NADK2: variants seen among roughly 807,000 people sequenced by gnomAD.
NADK2 encodes the protein NAD kinase 2, mitochondrial.
In NADK2, 35 loss-of-function variants were observed where a neutral mutation model predicts 62.1. The ratio of observed to expected loss-of-function variants is 0.56; its 90% CI spans 0.43 to 0.75. The LOEUF (loss-of-function observed/expected upper bound fraction) is 0.75. Ranked by LOEUF, NADK2 falls within the 30% of genes least tolerant of loss-of-function variation. The pLI is 0.00. For missense variants in NADK2, 439 were observed against 561.3 expected, an observed-to-expected ratio of 0.78 and a Z score of 2.20; for synonymous variants, 205 against 207.9, an observed-to-expected ratio of 0.99 and a Z score of 0.12.
Position 36,194,976 on chromosome 5 carries a change from G to T in NADK2, c.*168C>A. ...CCATCCATTTTCTTATACAGTGAAT[G>T]TCTTTTTTTCTATCAGAATCCAACA... On this transcript the variant is annotated 3_prime_UTR_variant, in exon 12 of 12. Coordinates refer to ENST00000381937, the MANE Select transcript of NADK2 (RefSeq NM_001085411.3). The T allele has an allele frequency of 1.6e-6, 1 of 633,930 alleles. No homozygotes were observed. 39.3% of individuals were successfully genotyped at this position (633,930 alleles called of 1,614,324 possible).
chr5:36,204,257 G>A (rs1189741790), intron 8 of NADK2, among the ~76,000 whole-genome samples: 3 of 152,098 alleles, frequency 2.0e-5, no homozygotes, highest in Non-Finnish European at 4.4e-5. Context: ...AGTTCAGAAG[G>A]CAAAGTAATC....
intron 4 of NADK2, among the ~76,000 whole-genome samples, chr5:36,223,472 A>T (rs1156586920): frequency 1.3e-5 from 2 of 152,208 alleles, no homozygotes; most frequent in Non-Finnish European, 2.9e-5. Context: ...CAATATGTAA[A>T]AACACCAGTA....
chr5:36,231,932 AAAAT>A (rs57966966), intron 1 of NADK2, among the ~76,000 whole-genome samples: 26 of 151,934 alleles, frequency 1.7e-4, no homozygotes, highest in South Asian at 8.3e-4. Flanking sequence ...TCTCTCCATT[AAAAT>A]AAATAAATAA....
chr5:36,225,455 A>G (rs1197982617), intron 4 of NADK2, 87 bp downstream of exon 4: 1 of 995,592 alleles, frequency 1.0e-6, no homozygotes, highest in Non-Finnish European at 1.5e-6. Flanking sequence ...TATGCAATCA[A>G]AGCAGAAATG....
At chr5:36,226,800 T>C (rs959764354) in intron 2 of NADK2, among the ~76,000 whole-genome samples, 4 of 152,174 alleles carry the variant, frequency 2.6e-5, no homozygotes, top group African/African-American at 9.6e-5. Flanking sequence ...CAAATCTCCA[T>C]GTGCTTTAAA....
intron 7 of NADK2, 52 bp from the exon 8 acceptor site, chr5:36,207,317 T>C: frequency 7.2e-7 from 1 of 1,388,852 alleles, no homozygotes; most frequent in Non-Finnish European, 1.0e-6. Context: ...TCAAGGTAAA[T>C]AAGAGAGTCT....
chr5:36,194,121 T>TG lies in NADK2; in HGVS notation c.*1022dup, dbSNP rs1197931835. ...TCCTCCAAAAATAAAGGAATTCTCA[T>TG]GGGGAAAAAAAAAAAGTCCTAACAT... On this transcript the variant is annotated 3_prime_UTR_variant, in exon 12 of 12. Coordinates refer to ENST00000381937, the MANE Select transcript of NADK2 (RefSeq NM_001085411.3). 1 of 151,354 alleles carries TG rather than the reference T, an allele frequency of 6.6e-6. No individual in the cohort carries two copies. Among genetic ancestry groups the TG allele is most frequent in the African/African-American group, 2.4e-5 (1 of 41,216 alleles). The allele number at this position is 151,354 out of a possible 1,614,324, so 9.4% of individuals were successfully genotyped here. A position where few individuals can be genotyped will look rare whatever the true frequency, so the allele number is the denominator to read the frequency against.
intron 10 of NADK2, among the ~76,000 whole-genome samples, chr5:36,199,068 G>A (rs1579595299): frequency 6.6e-6 from 1 of 151,776 alleles, no homozygotes; most frequent in East Asian, 1.9e-4. Flanking sequence ...GGGGGTGGGG[G>A]GAGGAATAGC....
At chr5:36,231,886 A>T (rs1747722325) in intron 1 of NADK2, among the ~76,000 whole-genome samples, 1 of 152,172 alleles carries the variant, frequency 6.6e-6, no homozygotes, top group South Asian at 2.1e-4. Context: ...TATTAGTAAC[A>T]GTCTTTAATA....
At chr5:36,226,712 CTT>C (rs931927267) in intron 2 of NADK2, 149 bp from the exon 3 acceptor site, 2 of 572,636 alleles carry the variant, frequency 3.5e-6, no homozygotes, top group Non-Finnish European at 6.1e-6. Flanking sequence ...ATAACATTAT[CTT>C]TGTTTTCATT....
chr5:36,226,032 T>A (rs866827888), intron 3 of NADK2, among the ~76,000 whole-genome samples: 3 of 152,180 alleles, frequency 2.0e-5, no homozygotes, highest in African/African-American at 2.4e-5. Flanking sequence ...AACTTCAAAT[T>A]TTTCTCTTCA....
At chr5:36,197,465 A>G (rs1215686647) in intron 11 of NADK2, 76 bp downstream of exon 11, 2 of 1,571,588 alleles carry the variant, frequency 1.3e-6, no homozygotes, top group African/African-American at 1.4e-5. Context: ...ATGAAATTAA[A>G]TAGTTTTCAA....
rs1312124093 is a variant in NADK2 at position 36,195,062 on chromosome 5, A to T, written c.*82T>A. 2.0e-6 allele frequency: 3 copies of T among 1,480,082 alleles called. No individual in the cohort carries two copies. Among genetic ancestry groups the T allele is most frequent in the African/African-American group, 2.9e-5 (2 of 70,076 alleles). The allele number at this position is 1,480,082 out of a possible 1,614,324, so 91.7% of individuals were successfully genotyped here. A position where few individuals can be genotyped will look rare whatever the true frequency, so the allele number is the denominator to read the frequency against. ...GCAAGCAGTCTCAACAATAACCAAA[A>T]AATGTCACTTTACGACTGGTAGTCT... is the stretch of plus-strand genomic sequence containing the variant. On this transcript the variant is annotated 3_prime_UTR_variant, in exon 12 of 12. Coordinates refer to ENST00000381937, the MANE Select transcript of NADK2 (RefSeq NM_001085411.3).
intron 10 of NADK2, among the ~76,000 whole-genome samples, chr5:36,199,422 T>A (rs1056450966): frequency 6.6e-6 from 1 of 151,796 alleles, no homozygotes; most frequent in African/African-American, 2.4e-5. Context: ...GGGTTTGGAG[T>A]TTTATAAAAA....
intron 11 of NADK2, among the ~76,000 whole-genome samples, 161 bp downstream of exon 11, chr5:36,197,380 C>T (rs534784009): frequency 2.6e-5 from 4 of 152,000 alleles, no homozygotes; most frequent in Admixed American, 6.6e-5. Context: ...TGATTTTAGC[C>T]GGGTTAGCAT....
chr5:36,230,032 A>G (rs377569470), intron 1 of NADK2, among the ~76,000 whole-genome samples: 5 of 151,640 alleles, frequency 3.3e-5, no homozygotes, highest in African/African-American at 1.2e-4. Flanking sequence ...GAACCACTGC[A>G]CAAGCCTCTG....
At chr5:36,234,027 A>C (rs910096961) in intron 1 of NADK2, among the ~76,000 whole-genome samples, 1 of 152,232 alleles carries the variant, frequency 6.6e-6, no homozygotes, top group Non-Finnish European at 1.5e-5. Context: ...TTAATAATGG[A>C]AAAACTGTGA....
At chr5:36,206,911 A>C (rs1746661721) in intron 8 of NADK2, among the ~76,000 whole-genome samples, 1 of 152,094 alleles carries the variant, frequency 6.6e-6, no homozygotes, top group Non-Finnish European at 1.5e-5. Context: ...TTTTAAGAAA[A>C]GATAGTCCCA....
At chr5:36,239,607 T>C (rs1213799135) in intron 1 of NADK2, among the ~76,000 whole-genome samples, 4 of 152,192 alleles carry the variant, frequency 2.6e-5, no homozygotes, top group East Asian at 1.9e-4. Flanking sequence ...TTAAGACTTA[T>C]TGATTTTCCC....
Sources: gnomAD v4.1 joint callset for allele counts (sites outside exome capture counted in the v4.1 genomes callset) on GRCh38, gnomAD v4.1.1 for gene constraint, MANE v1.5 for transcripts, NCBI Gene and HGNC (gene_info 2026-07-23, HGNC 2026-07-21) for gene names.